Variants in SLC18A2 observed in about 807,000 individuals in gnomAD.
SLC18A2 encodes solute carrier family 18 member A2.
A neutral mutation model predicts 59.2 loss-of-function variants in SLC18A2; 33 were observed. The observed-to-expected ratio is 0.56, with a 90% CI of 0.42 to 0.75. The LOEUF (loss-of-function observed/expected upper bound fraction) is 0.75, where lower values mean the gene tolerates loss of function less well. Ranked by LOEUF, SLC18A2 falls within the 30% of genes least tolerant of loss-of-function variation. The pLI is 0.00. For synonymous variants in SLC18A2, 228 were observed against 253.5 expected, an observed-to-expected ratio of 0.90 and a Z score of 0.95; for missense variants, 569 against 668.6, an observed-to-expected ratio of 0.85 and a Z score of 1.64.
chr10:117,254,240 G>C, intron 5 of SLC18A2, 109 bp downstream of exon 5: 2 of 1,244,068 alleles, frequency 1.6e-6, no homozygotes, highest in Non-Finnish European at 2.3e-6. Context: ...GGGATTCTTG[G>C]AGAAGGCACC....
At chr10:117,252,220 G>T (rs576206025) in intron 3 of SLC18A2, among the ~76,000 whole-genome samples, 1 of 140,846 alleles carries the variant, frequency 7.1e-6, no homozygotes, top group South Asian at 2.2e-4. Flanking sequence ...CTGAGCTCAG[G>T]TGATCCGCCC....
chr10:117,279,013 T>C lies in SLC18A2; in HGVS notation c.*1747T>C, dbSNP rs977472259. ...TCTCCCTGCCCCCAATACCATATACTTTATTGCAATTTTATTTTTGCCTTT... is the reference window on the plus strand; with the variant it reads ...TCTCCCTGCCCCCAATACCATATACCTTATTGCAATTTTATTTTTGCCTTT... On this transcript the variant is annotated 3_prime_UTR_variant, in exon 16 of 16. Coordinates refer to ENST00000644641, the MANE Select transcript of SLC18A2 (RefSeq NM_003054.6). 1 of 152,334 alleles carries C rather than the reference T, an allele frequency of 6.6e-6. No homozygotes were observed. Among genetic ancestry groups the C allele is most frequent in the Middle Eastern group, 3.4e-3 (1 of 294 alleles). 9.4% of individuals were successfully genotyped at this position (152,334 alleles called of 1,614,324 possible).
At chr10:117,243,091 TA>T (rs1844073216) in intron 2 of SLC18A2, among the ~76,000 whole-genome samples, 1 of 151,622 alleles carries the variant, frequency 6.6e-6, no homozygotes, top group Non-Finnish European at 1.5e-5. Flanking sequence ...TTACAAGTTG[TA>T]GGAAAAATTA....
chr10:117,256,838 C>T (rs903892231), intron 9 of SLC18A2, among the ~76,000 whole-genome samples: 5 of 152,194 alleles, frequency 3.3e-5, no homozygotes, highest in Admixed American at 1.3e-4. Context: ...ACCTCGGGCA[C>T]GTCTGAGCAG....
At chr10:117,248,031 G>A (rs556880732) in intron 3 of SLC18A2, among the ~76,000 whole-genome samples, 1 of 152,072 alleles carries the variant, frequency 6.6e-6, no homozygotes, top group Non-Finnish European at 1.5e-5. Context: ...GTGCAGTGGG[G>A]CTATCTCGGC....
In SLC18A2 at chr10:117,254,405, G is replaced by C; in HGVS notation, c.608G>C (p.Gly203Ala). The C allele has an allele frequency of 6.3e-7, 1 of 1,585,612 alleles. No individual in the cohort carries two copies. Among genetic ancestry groups the C allele is most frequent in the Non-Finnish European group, 8.6e-7 (1 of 1,164,602 alleles). The change falls in exon 6 of 16, where the codon GGG becomes GCG. Residue 203 changes from glycine to alanine, a missense_variant and splice_region_variant. Physicochemically the swap from Gly to Ala is moderately conservative, Grantham distance 60 (BLOSUM62 0). Transcript: ENST00000644641. ...GIGSSCSSVAGMGMLASVYTD... is the reference protein window; with the variant it reads ...GIGSSCSSVAAMGMLASVYTD... ...GTTGACTATTTCTTTCCCTGTGTAG[G>C]GATGGGCATGCTTGCCAGTGTCTAC...
At chr10:117,270,218 C>T (rs538522554) in intron 14 of SLC18A2, 28 bp downstream of exon 14, 20 of 1,613,934 alleles carry the variant, frequency 1.2e-5, no homozygotes, top group East Asian at 4.5e-5. Context: ...TCATAAGAAC[C>T]TTTTACCTCA....
In SLC18A2 at chr10:117,253,249, A is replaced by G. The variant is rs73389854; in HGVS notation, c.465-150A>G. ...CAAGACAGTCAAACACAAAAAGGTCACATAGGAAGCACTGAGTATATGAAT... is the reference window on the plus strand; with the variant it reads ...CAAGACAGTCAAACACAAAAAGGTCGCATAGGAAGCACTGAGTATATGAAT... On this transcript the variant is annotated intron_variant, in intron 3 of 15. Transcript: ENST00000644641. The G allele has an allele frequency of 3.3e-4, 214 of 639,348 alleles. 1 individual carries two copies. In the African/African-American group the frequency reaches 3.6e-3, roughly 11 times the overall value. The allele number at this position is 639,348 out of a possible 1,614,324, so 39.6% of individuals were successfully genotyped here.
intron 10 of SLC18A2, among the ~76,000 whole-genome samples, chr10:117,258,396 C>CT (rs1198213439): frequency 6.6e-6 from 1 of 152,140 alleles, no homozygotes; most frequent in African/African-American, 2.4e-5. Flanking sequence ...AGTTCTATGT[C>CT]TTTTTCTAGA....
rs1387890310 is a variant in SLC18A2 at position 117,266,990 on chromosome 10, TTG to T, written c.1080_1081del (p.Ala361SerfsTer99). 6.2e-7 allele frequency: 1 copy of T among 1,613,254 alleles called. No homozygotes were observed. The highest frequency in any genetic ancestry group is 8.5e-7 in the Non-Finnish European group (1 of 1,179,850). On this transcript the variant is annotated frameshift_variant, in exon 12 of 16. Coordinates refer to ENST00000644641, the MANE Select transcript of SLC18A2 (RefSeq NM_003054.6). LOFTEE classifies it high-confidence loss of function. ...GTGCTTTTTCTTTTGGTAGGTGGCT[TTG>T]TGCTCTTCTGGGAATGATAATTGTT... ...ILAHKMGRWLCALLGMIIVGV... is the reference protein window; with the variant it reads ...ILAHKMGRWLXALLGMIIVGV...
intron 15 of SLC18A2, among the ~76,000 whole-genome samples, chr10:117,274,689 C>T (rs934122831): frequency 1.3e-5 from 2 of 152,132 alleles, no homozygotes; most frequent in African/African-American, 4.8e-5. Context: ...CTCATTGCCA[C>T]CTCCCTTGCT....
At chr10:117,268,212 T>C (rs1844371484) in intron 13 of SLC18A2, 1 of 154,622 alleles carries the variant, frequency 6.5e-6, no homozygotes, top group Admixed American at 6.4e-5. Context: ...AATGATAATA[T>C]GTTAGGAAAA....
intron 15 of SLC18A2, among the ~76,000 whole-genome samples, chr10:117,276,576 C>T (rs11197938): frequency 0.11 from 15,120 of 133,010 alleles, 1,071 homozygotes; most frequent in East Asian, 0.37. Context: ...ATCACAACAC[C>T]GCACTCCAAC....
Position 117,269,005 on chromosome 10 carries a change from TACACACACTG to T in SLC18A2, c.1187-1059_1187-1050del. ...ACACATTCATACACACAAACACACA[TACACACACTG>T]ACACACGCATACACACACACATACA... is the stretch of plus-strand genomic sequence containing the variant. On this transcript the variant is annotated intron_variant, in intron 13 of 15. Coordinates refer to ENST00000644641, the MANE Select transcript of SLC18A2 (RefSeq NM_003054.6). This position sits in a 1 kb window ranked among gnomAD's most constrained non-coding sequence, Gnocchi z 5.1. 7.8e-6 allele frequency among the ~76,000 whole-genome samples: 1 copy of T among 127,866 alleles called. No individual in the cohort carries two copies. Among genetic ancestry groups the T allele is most frequent in the Middle Eastern group, 4.0e-3 (1 of 250 alleles). 83.9% of individuals were successfully genotyped at this position (127,866 alleles called of 152,430 possible). A position where few individuals can be genotyped will look rare whatever the true frequency, so the allele number is the denominator to read the frequency against.
chr10:117,258,115 T>C (rs992629249), intron 10 of SLC18A2, among the ~76,000 whole-genome samples: 1 of 152,230 alleles, frequency 6.6e-6, no homozygotes, highest in East Asian at 1.9e-4. Flanking sequence ...ACATCAGATC[T>C]GGGCAGAAAT....
At chr10:117,255,781 A>G in intron 9 of SLC18A2, 124 bp downstream of exon 9, 1 of 811,840 alleles carries the variant, frequency 1.2e-6, no homozygotes, top group Non-Finnish European at 1.9e-6. Context: ...ATATAAAAAA[A>G]CAGAAAAGGC....
intron 9 of SLC18A2, 85 bp downstream of exon 9, chr10:117,255,742 T>A (rs1189041253): frequency 1.0e-5 from 13 of 1,258,010 alleles, no homozygotes; most frequent in Non-Finnish European, 1.1e-5. Flanking sequence ...CAGGGCTGAT[T>A]TTCGTTTTGC....
chr10:117,254,550 G>A, intron 6 of SLC18A2, 53 bp downstream of exon 6: 2 of 1,358,656 alleles, frequency 1.5e-6, no homozygotes, highest in Non-Finnish European at 2.0e-6. Context: ...GCCTGGTGCT[G>A]GACAGCGGCA....
chr10:117,242,054 C>G (rs1565000184), intron 2 of SLC18A2: 1 of 391,420 alleles, frequency 2.6e-6, no homozygotes, highest in East Asian at 4.2e-5. Context: ...AGACCCAGAA[C>G]TTATGTTTCC....
Sources: allele counts gnomAD v4.1 joint callset (sites outside exome capture counted in the v4.1 genomes callset), GRCh38; gene constraint gnomAD v4.1.1; non-coding constraint Gnocchi (gnomAD v3.1); transcripts MANE v1.5; gene names NCBI Gene and HGNC (gene_info 2026-07-23, HGNC 2026-07-21).